NOL10: variants seen among roughly 807,000 people sequenced by gnomAD.
NOL10 encodes the protein nucleolar protein 10, also known as H_NH0074G24.1.
Under a neutral mutation model 103.5 loss-of-function variants are expected in NOL10, and 58 were observed. That is an observed-to-expected ratio of 0.56 (90% CI 0.45 to 0.70). The LOEUF (loss-of-function observed/expected upper bound fraction) is 0.70. Among genes scored for constraint, NOL10 ranks in the 30% least tolerant of loss-of-function variants. NOL10 has a pLI of 0.00. For missense variants in NOL10, 763 were observed against 807.3 expected, an observed-to-expected ratio of 0.95 and a Z score of 0.67; for synonymous variants, 287 against 282.5, an observed-to-expected ratio of 1.02 and a Z score of -0.16.
At chr2:10,644,199 G>A (rs942847326) in intron 13 of NOL10, 121 bp downstream of exon 13, 1 of 644,314 alleles carries the variant, frequency 1.6e-6, no homozygotes, top group Non-Finnish European at 2.5e-6. Context: ...AGTGGGCTGA[G>A]GCTGCACCAC....
intron 13 of NOL10, chr2:10,634,494 T>TA (rs1183547018): frequency 4.4e-6 from 2 of 456,464 alleles, no homozygotes; most frequent in Admixed American, 2.3e-5. Flanking sequence ...GATGTGCTAT[T>TA]AGACATCCAA....
At chr2:10,611,759 T>C (rs1012017004) in intron 13 of NOL10, among the ~76,000 whole-genome samples, 1 of 151,976 alleles carries the variant, frequency 6.6e-6, no homozygotes, top group African/African-American at 2.4e-5. Flanking sequence ...CTACTATAAA[T>C]ACAAAAATTA....
At chr2:10,663,666 C>T (rs996369291) in intron 8 of NOL10, among the ~76,000 whole-genome samples, 1 of 151,240 alleles carries the variant, frequency 6.6e-6, no homozygotes, top group African/African-American at 2.4e-5. Context: ...AAAGAAGAAT[C>T]CCGGCCAGGC....
At chr2:10,669,549 A>G (rs1258124437) in intron 6 of NOL10, among the ~76,000 whole-genome samples, 1 of 148,668 alleles carries the variant, frequency 6.7e-6, no homozygotes, top group African/African-American at 2.5e-5. Flanking sequence ...CACAAACATA[A>G]TAGCCACCAG....
In NOL10 at chr2:10,587,275, A is replaced by ATTTTTTTTTT. The variant is rs70953314; in HGVS notation, c.1844+1758_1844+1767dup. 1.8e-4 allele frequency among the ~76,000 whole-genome samples: 4 copies of ATTTTTTTTTT among 22,560 alleles called. 1 individual carries two copies. The highest frequency in any genetic ancestry group is 1.2e-3 in the African/African-American group (4 of 3,474). 14.8% of individuals were successfully genotyped at this position (22,560 alleles called of 152,430 possible). A position where few individuals can be genotyped will look rare whatever the true frequency, so the allele number is the denominator to read the frequency against. On this transcript the variant is annotated intron_variant, in intron 19 of 20. Coordinates refer to ENST00000381685, the MANE Select transcript of NOL10 (RefSeq NM_024894.4). ...TATATATACACATATATATATATAT[A>ATTTTTTTTTT]TTTTTTTTTTTTTTGAGATGGAGTC...
chr2:10,657,946 A>G (rs1249645657), intron 10 of NOL10, 55 bp from the exon 11 acceptor site: 4 of 1,357,610 alleles, frequency 2.9e-6, no homozygotes, highest in Non-Finnish European at 3.0e-6. Flanking sequence ...TTCAAAGGAA[A>G]TATTTCTAAG....
intron 13 of NOL10, among the ~76,000 whole-genome samples, chr2:10,617,263 G>A (rs1348580693): frequency 1.3e-5 from 2 of 152,192 alleles, no homozygotes; most frequent in African/African-American, 4.8e-5. Context: ...TTGTGGATCA[G>A]TAAAAAGACC....
chr2:10,582,645 T>C (rs1384176542), intron 19 of NOL10, among the ~76,000 whole-genome samples: 2 of 152,198 alleles, frequency 1.3e-5, no homozygotes, highest in African/African-American at 4.8e-5. Flanking sequence ...TGTTCACGCA[T>C]CTGGACTTCT....
At chr2:10,619,752 A>C (rs1677025571) in intron 13 of NOL10, among the ~76,000 whole-genome samples, 1 of 152,222 alleles carries the variant, frequency 6.6e-6, no homozygotes, top group Non-Finnish European at 1.5e-5. Flanking sequence ...ATAAAAAAAC[A>C]GATGTTTATT....
intron 10 of NOL10, 76 bp downstream of exon 10, chr2:10,659,096 A>C: frequency 1.1e-6 from 1 of 931,904 alleles, no homozygotes; most frequent in Non-Finnish European, 1.7e-6. Flanking sequence ...CTGTTCCTGC[A>C]GTGTATTTCT....
intron 11 of NOL10, among the ~76,000 whole-genome samples, chr2:10,657,259 A>G (rs1347525877): frequency 6.6e-6 from 1 of 152,128 alleles, no homozygotes; most frequent in East Asian, 1.9e-4. Context: ...CGGAGGTTAC[A>G]GTGAGCTGAG....
intron 3 of NOL10, among the ~76,000 whole-genome samples, chr2:10,678,215 A>AT (rs60430084): frequency 8.7e-5 from 13 of 149,978 alleles, no homozygotes; most frequent in African/African-American, 2.2e-4. Flanking sequence ...CTTTCAGCTA[A>AT]TTTTTTTTTT....
At chr2:10,664,679 A>G (rs1680458827) in intron 8 of NOL10, among the ~76,000 whole-genome samples, 1 of 152,060 alleles carries the variant, frequency 6.6e-6, no homozygotes. Context: ...AGCTGCATCT[A>G]TGGTATGCAC....
At chr2:10,606,323 C>A (rs1298643309) in intron 14 of NOL10, among the ~76,000 whole-genome samples, 1 of 151,722 alleles carries the variant, frequency 6.6e-6, no homozygotes, top group African/African-American at 2.4e-5. Context: ...ATGTAGAACG[C>A]TTAGAATACT....
In NOL10 at chr2:10,689,881, C is replaced by T. The variant is rs1370202204; in HGVS notation, c.-20G>A. 59 of 1,596,934 alleles carry T rather than the reference C, an allele frequency of 3.7e-5. 1 individual carries two copies. The Admixed American group carries it at 1.0e-3, about 28-fold the overall frequency. Reference sequence around the variant, plus strand: ...CTGCATGGCGCCGCACAACACTGTTCAAGTCCCGGGTCCTTTCCCACCAGC... The same window carrying T: ...CTGCATGGCGCCGCACAACACTGTTTAAGTCCCGGGTCCTTTCCCACCAGC... On this transcript the variant is annotated 5_prime_UTR_variant, in exon 1 of 21. Coordinates refer to ENST00000381685, the MANE Select transcript of NOL10 (RefSeq NM_024894.4).
chr2:10,589,449 A>C, intron 18 of NOL10, 129 bp downstream of exon 18: 1 of 1,221,602 alleles, frequency 8.2e-7, no homozygotes, highest in South Asian at 1.6e-5. Flanking sequence ...AATACTCCTA[A>C]GCCCAATGTC....
At chr2:10,638,037 T>C (rs1356104000) in intron 13 of NOL10, among the ~76,000 whole-genome samples, 2 of 152,190 alleles carry the variant, frequency 1.3e-5, no homozygotes, top group Non-Finnish European at 2.9e-5. Context: ...ATCCCAACAC[T>C]TTGGGAGGCC....
chr2:10,687,908 T>C (rs957187262), intron 1 of NOL10, among the ~76,000 whole-genome samples: 1 of 152,156 alleles, frequency 6.6e-6, no homozygotes, highest in African/African-American at 2.4e-5. Context: ...CATCAGGCCA[T>C]TGCACGCGAC....
At chr2:10,638,330 G>GACGTGACGTGACGTAACGTA (rs1553306407) in intron 13 of NOL10, among the ~76,000 whole-genome samples, 1 of 92,740 alleles carries the variant, frequency 1.1e-5, no homozygotes, top group African/African-American at 4.9e-5. Context: ...GACGTGACGT[G>GACGTGACGTGACGTAACGTA]ACGTAACGTA....
Sources: gnomAD v4.1 joint callset for allele counts (sites outside exome capture counted in the v4.1 genomes callset) on GRCh38, gnomAD v4.1.1 for gene constraint, MANE v1.5 for transcripts, NCBI Gene and HGNC (gene_info 2026-07-23, HGNC 2026-07-21) for gene names.